EIPR1: variants seen among roughly 807,000 people sequenced by gnomAD.
The protein encoded by EIPR1 is EARP complex and GARP complex interacting protein 1.
A neutral mutation model predicts 48.1 loss-of-function variants in EIPR1; 25 were observed. The observed-to-expected ratio is 0.52, with a 90% confidence interval of 0.38 to 0.73. EIPR1 has a LOEUF of 0.73. EIPR1 is among the 30% of genes least tolerant of loss of function. The pLI is 0.00. For missense variants in EIPR1, 415 were observed against 506.2 expected (o/e 0.82, Z 1.73); for synonymous variants, 204 against 201.9 (o/e 1.01, Z -0.09).
intron 4 of EIPR1, among the ~76,000 whole-genome samples, chr2:3,237,065 C>T (rs1053352982): frequency 6.6e-6 from 1 of 152,122 alleles, no homozygotes; most frequent in Non-Finnish European, 1.5e-5. Context: ...ACAAGGCACA[C>T]AAAGACGCAC....
At chr2:3,302,310 C>A (rs1487139983) in intron 3 of EIPR1, among the ~76,000 whole-genome samples, 2 of 151,986 alleles carry the variant, frequency 1.3e-5, no homozygotes, top group African/African-American at 2.4e-5. Context: ...CTGGGCAGCA[C>A]AGCAAGACCC....
chr2:3,324,292 C>A (rs1234778585), intron 3 of EIPR1, among the ~76,000 whole-genome samples: 1 of 152,114 alleles, frequency 6.6e-6, no homozygotes, highest in African/African-American at 2.4e-5. Flanking sequence ...ACATGATTAA[C>A]GGCCCCTGCA....
intron 5 of EIPR1, chr2:3,208,549 A>G: frequency 6.5e-7 from 1 of 1,549,144 alleles, no homozygotes; most frequent in African/African-American, 1.4e-5. Flanking sequence ...ATAGTGAGAA[A>G]TGACCATTTG....
At chr2:3,332,040 C>T (rs1315611958) in intron 3 of EIPR1, among the ~76,000 whole-genome samples, 6 of 134,316 alleles carry the variant, frequency 4.5e-5, no homozygotes, top group South Asian at 2.8e-4. Context: ...TCAGCAGAGG[C>T]AGGTGTGTAT....
At chr2:3,310,648 G>A (rs1285443000) in intron 3 of EIPR1, among the ~76,000 whole-genome samples, 1 of 101,200 alleles carries the variant, frequency 9.9e-6, no homozygotes, top group Non-Finnish European at 1.7e-5. Context: ...GCCAGACTCC[G>A]TCTCAAAAAA....
At chr2:3,299,248 C>G (rs555306249) in intron 3 of EIPR1, among the ~76,000 whole-genome samples, 10 of 152,302 alleles carry the variant, frequency 6.6e-5, no homozygotes, top group Admixed American at 1.3e-4. Flanking sequence ...GCCCCCTGTC[C>G]TGGAGTGCTC....
chr2:3,267,520 G>A (rs1316651129), intron 3 of EIPR1, among the ~76,000 whole-genome samples: 2 of 152,240 alleles, frequency 1.3e-5, no homozygotes, highest in Non-Finnish European at 2.9e-5. Flanking sequence ...TTTCAGATAC[G>A]CTGTTGTCAC....
At chr2:3,263,341 T>A (rs191565120) in intron 3 of EIPR1, among the ~76,000 whole-genome samples, 1 of 152,192 alleles carries the variant, frequency 6.6e-6, no homozygotes, top group Non-Finnish European at 1.5e-5. Flanking sequence ...ACCCACAGTA[T>A]TGCATGTGGC....
intron 3 of EIPR1, among the ~76,000 whole-genome samples, chr2:3,304,500 A>T (rs1333992650): frequency 3.8e-4 from 4 of 10,612 alleles, no homozygotes; most frequent in Non-Finnish European, 7.0e-4. Context: ...CAGTCCCATC[A>T]GTTCAGCCCT....
chr2:3,230,914 T>C (rs199738429), intron 4 of EIPR1, among the ~76,000 whole-genome samples: 5 of 152,328 alleles, frequency 3.3e-5, no homozygotes, highest in East Asian at 3.9e-4. Context: ...GGGGATTGCA[T>C]TGAATCTGTA....
intron 4 of EIPR1, among the ~76,000 whole-genome samples, chr2:3,245,963 T>C (rs1364980343): frequency 6.6e-6 from 1 of 152,192 alleles, no homozygotes; most frequent in Non-Finnish European, 1.5e-5. Context: ...TGGTGGTACA[T>C]GCCTATGGTC....
chr2:3,299,907 G>A (rs1188730551), intron 3 of EIPR1, among the ~76,000 whole-genome samples: 1 of 152,144 alleles, frequency 6.6e-6, no homozygotes. Context: ...TCACTCAAGT[G>A]CTCAGAGCCC....
chr2:3,343,004 G>T (rs7601587), intron 2 of EIPR1, among the ~76,000 whole-genome samples: 74,922 of 152,086 alleles, frequency 0.49, 20,380 homozygotes, highest in East Asian at 0.82. Context: ...TTATACACTT[G>T]AGTGCCTTAA....
chr2:3,270,613 C>G (rs1667675781), intron 3 of EIPR1, among the ~76,000 whole-genome samples: 2 of 152,182 alleles, frequency 1.3e-5, no homozygotes, highest in African/African-American at 4.8e-5. Context: ...ATAATGCAGT[C>G]AAGTAAGTGT....
intron 3 of EIPR1, among the ~76,000 whole-genome samples, chr2:3,317,297 C>T (rs546620267): frequency 9.4e-5 from 12 of 127,486 alleles, no homozygotes; most frequent in South Asian, 8.1e-4. Flanking sequence ...CAGGAGCGCA[C>T]GAGGTGCTGA....
At chr2:3,258,493 C>A (rs1439582685) in intron 3 of EIPR1, among the ~76,000 whole-genome samples, 1 of 118,478 alleles carries the variant, frequency 8.4e-6, no homozygotes, top group Non-Finnish European at 1.8e-5. Flanking sequence ...TTATATATTG[C>A]GTTAGAACAT....
intron 3 of EIPR1, among the ~76,000 whole-genome samples, chr2:3,285,155 GC>G (rs1183521292): frequency 6.6e-6 from 1 of 152,138 alleles, no homozygotes; most frequent in Non-Finnish European, 1.5e-5. Flanking sequence ...CGAGCCTGTG[GC>G]CCTCACTGCC....
intron 5 of EIPR1, among the ~76,000 whole-genome samples, chr2:3,209,299 C>A (rs1665357134): frequency 1.3e-5 from 2 of 152,146 alleles, no homozygotes; most frequent in Non-Finnish European, 2.9e-5. Flanking sequence ...CCAGAAGAGC[C>A]CACTGAAAGC....
intron 3 of EIPR1, among the ~76,000 whole-genome samples, chr2:3,269,460 A>AGTCATCG (rs1558263482): frequency 0.058 from 633 of 11,008 alleles, 240 homozygotes; most frequent in Admixed American, 0.12. Context: ...AATCATCACC[A>AGTCATCG]CACTCAGTCA....
Sources: allele counts gnomAD v4.1 joint callset (sites outside exome capture counted in the v4.1 genomes callset), GRCh38; gene constraint gnomAD v4.1.1; transcripts MANE v1.5; gene names NCBI Gene and HGNC (gene_info 2026-07-23, HGNC 2026-07-21).